DIAPH2: variants seen among roughly 807,000 people sequenced by gnomAD.
DIAPH2 encodes diaphanous related formin 2, also known as protein diaphanous homolog 2.
Under a neutral mutation model 92.7 loss-of-function variants are expected in DIAPH2, and 35 were observed. The observed-to-expected ratio is 0.38, with a 90% CI of 0.29 to 0.50. The LOEUF is 0.50. Among genes scored for constraint, DIAPH2 ranks in the 20% least tolerant of loss-of-function variants. The pLI is 0.94. For missense variants in DIAPH2, 701 were observed against 819.5 expected (o/e 0.86, Z 1.77); for synonymous variants, 301 against 280.4 (o/e 1.07, Z -0.73).
intron 22 of DIAPH2, among the ~76,000 whole-genome samples, chrX:97,222,589 G>A (rs188538991): frequency 9.6e-4 from 107 of 111,723 alleles, no homozygotes; most frequent in African/African-American, 3.3e-3. Context: ...CACAGAAATC[G>A]AAGTCAATTT....
At chrX:97,495,501 T>C (rs935297408) in intron 26 of DIAPH2, among the ~76,000 whole-genome samples, 3 of 111,783 alleles carry the variant, frequency 2.7e-5, no homozygotes, top group African/African-American at 6.5e-5. Flanking sequence ...CAAAAAACTA[T>C]ATTTAAGTGG....
chrX:97,278,787 C>G (rs2068472560), intron 23 of DIAPH2, among the ~76,000 whole-genome samples: 1 of 112,122 alleles, frequency 8.9e-6, no homozygotes, highest in Non-Finnish European at 1.9e-5. Context: ...CAGTGTAGTA[C>G]AATACACTGT....
chrX:97,084,155 C>T (rs761928973), intron 19 of DIAPH2, among the ~76,000 whole-genome samples: 8 of 110,433 alleles, frequency 7.2e-5, no homozygotes, highest in South Asian at 3.9e-4. Context: ...ATCATGGTAA[C>T]GACTTCTTCT....
At chrX:97,000,709 C>G (rs1473738894) in intron 17 of DIAPH2, among the ~76,000 whole-genome samples, 1 of 111,454 alleles carries the variant, frequency 9.0e-6, no homozygotes, top group African/African-American at 3.3e-5. Context: ...AAATGTAGCA[C>G]TAGTGATTAT....
At chrX:96,988,450 C>G (rs2066047069) in intron 17 of DIAPH2, among the ~76,000 whole-genome samples, 1 of 109,322 alleles carries the variant, frequency 9.1e-6, no homozygotes, top group African/African-American at 3.3e-5. Flanking sequence ...AGCAAAGAAT[C>G]AAGATCTCTT....
At chrX:97,258,551 A>C (rs1288830422) in intron 23 of DIAPH2, among the ~76,000 whole-genome samples, 224 of 84,508 alleles carry the variant, frequency 2.7e-3, no homozygotes, top group East Asian at 4.2e-3. Context: ...CTAGCCTGGG[A>C]GACAGAGCGA....
chrX:97,274,327 G>A (rs1279411616), intron 23 of DIAPH2, among the ~76,000 whole-genome samples: 1 of 108,828 alleles, frequency 9.2e-6, no homozygotes, highest in South Asian at 4.1e-4. Context: ...GGGCAGCATG[G>A]TGAAACCCTG....
chrX:97,560,063 C>T (rs980636994), intron 26 of DIAPH2, among the ~76,000 whole-genome samples: 2 of 111,928 alleles, frequency 1.8e-5, no homozygotes, highest in Non-Finnish European at 3.8e-5. Context: ...GTGTGACACA[C>T]TGATATCTCA....
chrX:97,281,334 C>A (rs903575303), intron 23 of DIAPH2, among the ~76,000 whole-genome samples: 3 of 111,490 alleles, frequency 2.7e-5, no homozygotes, highest in African/African-American at 9.8e-5. Context: ...TTGAATAGAT[C>A]TCTGTGGTTC....
intron 4 of DIAPH2, among the ~76,000 whole-genome samples, chrX:96,821,717 A>G (rs1242190627): frequency 8.9e-6 from 1 of 111,890 alleles, no homozygotes; most frequent in African/African-American, 3.2e-5. Context: ...TCACCTTCCC[A>G]TAATTTTAAG....
chrX:96,869,035 C>G (rs1302135886), intron 4 of DIAPH2, among the ~76,000 whole-genome samples: 1 of 111,950 alleles, frequency 8.9e-6, no homozygotes, highest in Non-Finnish European at 1.9e-5. Flanking sequence ...TTGGGATCAT[C>G]TAGCTCAGTG....
chrX:97,447,188 C>T (rs758533158), intron 26 of DIAPH2, among the ~76,000 whole-genome samples: 6 of 109,542 alleles, frequency 5.5e-5, no homozygotes, highest in Non-Finnish European at 7.6e-5. Flanking sequence ...TTTTTTCTTC[C>T]GTCTGCTGCT....
chrX:97,354,959 A>G (rs1431987714), intron 24 of DIAPH2, among the ~76,000 whole-genome samples: 1 of 112,373 alleles, frequency 8.9e-6, no homozygotes. Context: ...TTATGCCTTT[A>G]TTGCTCCCAT....
At chrX:97,051,444 T>G (rs1435091102) in intron 17 of DIAPH2, among the ~76,000 whole-genome samples, 1 of 110,103 alleles carries the variant, frequency 9.1e-6, no homozygotes, top group East Asian at 2.8e-4. Context: ...ATCTATTCTC[T>G]GGTTTAATTT....
At chrX:97,187,689 A>G (rs1258685049) in intron 22 of DIAPH2, among the ~76,000 whole-genome samples, 1 of 111,210 alleles carries the variant, frequency 9.0e-6, no homozygotes, top group Non-Finnish European at 1.9e-5. Flanking sequence ...GATAAAATAT[A>G]AGAGACTGGG....
chrX:96,702,518 C>T (rs891682633), intron 1 of DIAPH2, among the ~76,000 whole-genome samples: 1 of 111,776 alleles, frequency 8.9e-6, no homozygotes, highest in African/African-American at 3.3e-5. Flanking sequence ...GTGTTAATTC[C>T]AAATGAAGTA....
At chrX:96,810,894 C>T (rs997883817) in intron 4 of DIAPH2, among the ~76,000 whole-genome samples, 1 of 111,650 alleles carries the variant, frequency 9.0e-6, no homozygotes, top group Non-Finnish European at 1.9e-5. Context: ...GTTTTGGTAC[C>T]AGTACCATGC....
At chrX:97,354,492 C>T (rs1291791452) in intron 24 of DIAPH2, among the ~76,000 whole-genome samples, 1 of 111,249 alleles carries the variant, frequency 9.0e-6, no homozygotes, top group Admixed American at 9.6e-5. Context: ...CCTGCCTCAG[C>T]CTCCTGAGTA....
At chrX:96,692,595 G>T (rs917085299) in intron 1 of DIAPH2, among the ~76,000 whole-genome samples, 1 of 111,764 alleles carries the variant, frequency 8.9e-6, no homozygotes, top group Non-Finnish European at 1.9e-5. Context: ...CTATACAAGG[G>T]TGGATAGACT....
Sources: allele counts gnomAD v4.1 joint callset (sites outside exome capture counted in the v4.1 genomes callset), GRCh38; gene constraint gnomAD v4.1.1; transcripts MANE v1.5; gene names NCBI Gene and HGNC (gene_info 2026-07-23, HGNC 2026-07-21).